SLC35G2: variants seen among roughly 807,000 people sequenced by gnomAD.
The protein encoded by SLC35G2 is transmembrane protein 22.
A neutral mutation model predicts 27.2 loss-of-function variants in SLC35G2; 20 were observed. That is an observed-to-expected ratio of 0.74 (90% CI 0.52 to 1.07). The LOEUF (loss-of-function observed/expected upper bound fraction) is 1.07, where lower values mean the gene tolerates loss of function less well. SLC35G2 is among the 50% of genes least tolerant of loss of function. The pLI, the probability that SLC35G2 is intolerant of heterozygous loss-of-function variation, is 0.00. For synonymous variants in SLC35G2, 148 were observed against 165.3 expected (o/e 0.90, Z 0.80); for missense variants, 416 against 493.3 (o/e 0.84, Z 1.48).
intron 1 of SLC35G2, among the ~76,000 whole-genome samples, chr3:136,852,769 A>C (rs1937729089): frequency 6.6e-6 from 1 of 152,298 alleles, no homozygotes; most frequent in South Asian, 2.1e-4. Flanking sequence ...CTGGGATTAC[A>C]GGCATGAGCC....
In SLC35G2 at chr3:136,855,185, T is replaced by C. The variant is rs367918668; in HGVS notation, c.725T>C (p.Val242Ala). The change falls in exon 2 of 2, where the codon GTT (valine) becomes GCT (alanine). Residue 242 changes from valine (V) to alanine (A), a missense_variant. Physicochemically the swap from Val to Ala is moderately conservative, Grantham distance 64. Coordinates refer to ENST00000446465, the MANE Select transcript of SLC35G2 (RefSeq NM_025246.3). ...TGTCTTGTCATGATCCCAAACATTG[T>C]TGATGAAGACAATTCTTTGTTAAAT... Reference protein sequence around the residue: ...GVCLVMIPNIVDEDNSLLNAW... With the variant: ...GVCLVMIPNIADEDNSLLNAW... 3 of 1,614,178 alleles carry C rather than the reference T, an allele frequency of 1.9e-6. No homozygotes were observed. The highest frequency in any genetic ancestry group is 1.6e-4 in the Middle Eastern group (1 of 6,062).
chr3:136,849,459 CTTTT>C (rs397753059), intron 1 of SLC35G2, among the ~76,000 whole-genome samples: 1 of 148,230 alleles, frequency 6.7e-6, no homozygotes, highest in Non-Finnish European at 1.5e-5. Flanking sequence ...TTGAACCCAA[CTTTT>C]TTTTTTTACT....
chr3:136,833,254 A>T lies in SLC35G2; in HGVS notation c.-19+13626A>T, dbSNP rs527711052. 1.9e-4 allele frequency among the ~76,000 whole-genome samples: 29 copies of T among 152,200 alleles called. No individual in the cohort carries two copies. In the South Asian group the frequency reaches 6.0e-3, roughly 32 times the overall value. On this transcript the variant is annotated intron_variant, in intron 1 of 1. Transcript: ENST00000446465. Reference sequence around the variant, plus strand: ...ACGTTATTGAAATGTTGTTAAGTGGAAGAGGGAATCAATTTGTGACCTCAG... The same window carrying T: ...ACGTTATTGAAATGTTGTTAAGTGGTAGAGGGAATCAATTTGTGACCTCAG...
rs1937914000 is a variant in SLC35G2, at chr3:136,854,953, A to C, written c.493A>C (p.Arg165=). Residue 165 remains arginine (R), a synonymous_variant, in exon 2 of 2, where the codon AGA becomes CGA. Coordinates refer to ENST00000446465, the MANE Select transcript of SLC35G2 (RefSeq NM_025246.3). Reference sequence around the variant, plus strand: ...GGCCCCCTTTGGACCCAGTGGATACAGATTACGACTCTTCTTTTATGGTGT... The same window carrying C: ...GGCCCCCTTTGGACCCAGTGGATACCGATTACGACTCTTCTTTTATGGTGT... ...QEAPFGPSGY[R]LRLFFYGVCN... The C allele has an allele frequency of 6.2e-7, 1 of 1,614,064 alleles. No individual in the cohort carries two copies. Among genetic ancestry groups the C allele is most frequent in the Admixed American group, 1.7e-5 (1 of 59,994 alleles).
chr3:136,822,281 C>T (rs1390840131), intron 1 of SLC35G2, among the ~76,000 whole-genome samples: 3 of 152,136 alleles, frequency 2.0e-5, no homozygotes, highest in Non-Finnish European at 4.4e-5. Context: ...CACTACCCTT[C>T]CCAGCTCTGG....
intron 1 of SLC35G2, among the ~76,000 whole-genome samples, chr3:136,830,550 T>A (rs1203439512): frequency 6.6e-6 from 1 of 152,202 alleles, no homozygotes; most frequent in Admixed American, 6.5e-5. Flanking sequence ...CCCAAAGTGC[T>A]GGGATTACAG....
chr3:136,842,405 A>G (rs1049621015), intron 1 of SLC35G2: 2 of 152,160 alleles, frequency 1.3e-5, no homozygotes, highest in African/African-American at 4.8e-5. Context: ...CAATCCAACA[A>G]CTTTGCAGAG....
chr3:136,845,935 A>G (rs554183807), intron 1 of SLC35G2, among the ~76,000 whole-genome samples: 2 of 152,012 alleles, frequency 1.3e-5, no homozygotes, highest in Admixed American at 1.3e-4. Context: ...TTATGTGTCC[A>G]CTTGGCTGGT....
chr3:136,835,105 A>C (rs1936830086), intron 1 of SLC35G2, among the ~76,000 whole-genome samples: 1 of 152,210 alleles, frequency 6.6e-6, no homozygotes, highest in Non-Finnish European at 1.5e-5. Flanking sequence ...TCCACTATCT[A>C]ATCCACACAC....
intron 1 of SLC35G2, among the ~76,000 whole-genome samples, chr3:136,852,563 G>C (rs1203044906): frequency 6.6e-6 from 1 of 151,300 alleles, no homozygotes; most frequent in African/African-American, 2.4e-5. Flanking sequence ...CACAATCTTG[G>C]CTCACTGCAA....
intron 1 of SLC35G2, among the ~76,000 whole-genome samples, chr3:136,840,367 G>T (rs1047573375): frequency 6.6e-6 from 1 of 152,072 alleles, no homozygotes; most frequent in Non-Finnish European, 1.5e-5. Flanking sequence ...GTACTGCAGG[G>T]AGTCATCCTC....
intron 1 of SLC35G2, among the ~76,000 whole-genome samples, chr3:136,825,995 A>G (rs1044463747): frequency 9.9e-5 from 15 of 151,812 alleles, no homozygotes; most frequent in Non-Finnish European, 1.8e-4. Context: ...AATGTTTGGT[A>G]GAATTCAGCC....
chr3:136,847,902 G>A (rs1456688291), intron 1 of SLC35G2, among the ~76,000 whole-genome samples: 2 of 151,854 alleles, frequency 1.3e-5, no homozygotes, highest in African/African-American at 4.8e-5. Context: ...GCTTGAACCT[G>A]GGAGGCAGAG....
chr3:136,840,561 C>T (rs369596448), intron 1 of SLC35G2, among the ~76,000 whole-genome samples: 5 of 141,330 alleles, frequency 3.5e-5, no homozygotes, highest in South Asian at 4.9e-4. Context: ...TTCTCTTTTT[C>T]TCTCTTTTCC....
Position 136,848,916 on chromosome 3 carries a change from T to C in SLC35G2, c.-18-5527T>C, listed in dbSNP as rs532919922. On this transcript the variant is annotated intron_variant, in intron 1 of 1. Coordinates refer to ENST00000446465, the MANE Select transcript of SLC35G2 (RefSeq NM_025246.3). The stretch of plus-strand genomic sequence containing the variant: ...TATACATGTAACGAACCGGGCACGG[T>C]GGCCTGTAATCTCAGCACTTTGGGA... Among the ~76,000 whole-genome samples the C allele has an allele frequency of 1.7e-4, 26 of 152,070 alleles. No individual in the cohort carries two copies. In the South Asian group the frequency reaches 5.4e-3, roughly 32 times the overall value.
chr3:136,837,040 G>A (rs1936892547), intron 1 of SLC35G2, among the ~76,000 whole-genome samples: 1 of 152,104 alleles, frequency 6.6e-6, no homozygotes, highest in Admixed American at 6.5e-5. Flanking sequence ...GGTAACTTAT[G>A]TAAGAAAAGC....
At chr3:136,844,893 C>T (rs1301575270) in intron 1 of SLC35G2, among the ~76,000 whole-genome samples, 2 of 149,792 alleles carry the variant, frequency 1.3e-5, no homozygotes, top group African/African-American at 4.9e-5. Context: ...TGTTTATTTT[C>T]ACATATGTGG....
In SLC35G2 at chr3:136,855,447, T is replaced by G; in HGVS notation, c.987T>G (p.Thr329=). Residue 329 remains threonine, a synonymous_variant, in exon 2 of 2, where the codon ACT becomes ACG. Coordinates refer to ENST00000446465, the MANE Select transcript of SLC35G2 (RefSeq NM_025246.3). Reference sequence around the variant, plus strand: ...TCATTGCTATATGTGTCTGTTCTACTGCAGCATTCTTAGGAGTTTATTATG... The same window carrying G: ...TCATTGCTATATGTGTCTGTTCTACGGCAGCATTCTTAGGAGTTTATTATG... ...SYLIAICVCS[T]AAFLGVYYAL... is the part of the protein sequence containing the mutation. 6.2e-7 allele frequency: 1 copy of G among 1,614,208 alleles called. No individual in the cohort carries two copies. Among genetic ancestry groups the G allele is most frequent in the Non-Finnish European group, 8.5e-7 (1 of 1,180,028 alleles).
At chr3:136,826,437 A>T (rs376468350) in intron 1 of SLC35G2, among the ~76,000 whole-genome samples, 2 of 152,066 alleles carry the variant, frequency 1.3e-5, no homozygotes, top group East Asian at 3.9e-4. Flanking sequence ...TATGACTTTG[A>T]TCTTGTTACT....
Sources: allele counts gnomAD v4.1 joint callset (sites outside exome capture counted in the v4.1 genomes callset), GRCh38; gene constraint gnomAD v4.1.1; transcripts MANE v1.5; gene names NCBI Gene and HGNC (gene_info 2026-07-23, HGNC 2026-07-21).